The following STIM2 variants were observed in gnomAD, a reference collection of about 807,000 sequenced individuals.
STIM2 encodes the protein stromal interaction molecule 2.
A neutral mutation model predicts 85.8 loss-of-function variants in STIM2; 31 were observed. The observed-to-expected ratio is 0.36, with a 90% CI of 0.27 to 0.49. STIM2 has a LOEUF of 0.49. Among genes scored for constraint, STIM2 ranks in the 20% least tolerant of loss-of-function variants. The pLI is 0.98. For synonymous variants in STIM2, 356 were observed against 331.1 expected, an observed-to-expected ratio of 1.08 and a Z score of -0.82; for missense variants, 841 against 927.6, an observed-to-expected ratio of 0.91 and a Z score of 1.21.
intron 1 of STIM2, among the ~76,000 whole-genome samples, chr4:26,909,098 T>A (rs1724236901): frequency 1.3e-5 from 2 of 152,168 alleles, no homozygotes. Context: ...TAAAAGATAT[T>A]TTTGATAACT....
At chr4:26,989,512 C>T (rs1367164433) in intron 3 of STIM2, among the ~76,000 whole-genome samples, 3 of 152,046 alleles carry the variant, frequency 2.0e-5, no homozygotes, top group Admixed American at 6.6e-5. Flanking sequence ...TGTTTCGTGC[C>T]GAATGGGGAA....
chr4:27,019,821 A>T (rs1471298685), intron 11 of STIM2, among the ~76,000 whole-genome samples: 2 of 152,256 alleles, frequency 1.3e-5, no homozygotes, highest in Non-Finnish European at 2.9e-5. Context: ...AAAAAGAAAT[A>T]GAAAAAAATA....
At chr4:26,907,318 A>G (rs567458906) in intron 1 of STIM2, among the ~76,000 whole-genome samples, 1 of 152,294 alleles carries the variant, frequency 6.6e-6, no homozygotes, top group South Asian at 2.1e-4. Flanking sequence ...ACATTATGTG[A>G]AAAAGGATAG....
At position 27,023,470 on chromosome 4, in the gene STIM2, G is replaced by GA. The variant is rs35840384; in HGVS notation, c.*486dup. The GA allele has an allele frequency of 0.35, 53,462 of 152,962 alleles. 9,369 individuals are homozygous for GA. The highest frequency in any genetic ancestry group is 0.55 in the East Asian group (2,839 of 5,146). The allele number at this position is 152,962 out of a possible 1,614,324, so 9.5% of individuals were successfully genotyped here. ...AATTGCACTACTGTTTTCCAGACTG[G>GA]AAAAAAAAAAAATCTCTGCAAGTGA... On this transcript the variant is annotated 3_prime_UTR_variant, in exon 12 of 12. Transcript: ENST00000467087.
At chr4:26,883,004 A>AT (rs140871540) in intron 1 of STIM2, among the ~76,000 whole-genome samples, 53,393 of 139,216 alleles carry the variant, frequency 0.38, 10,063 homozygotes, top group Middle Eastern at 0.47. Flanking sequence ...TACCTGGCTA[A>AT]TTTTTTTTTT....
intron 3 of STIM2, among the ~76,000 whole-genome samples, chr4:26,989,237 G>T (rs1453890013): frequency 6.6e-6 from 1 of 152,110 alleles, no homozygotes; most frequent in East Asian, 1.9e-4. Context: ...ACACGGCCCA[G>T]TTTAAATGAA....
intron 10 of STIM2, among the ~76,000 whole-genome samples, chr4:27,010,609 ACT>A (rs763021583): frequency 6.6e-6 from 1 of 151,926 alleles, no homozygotes. Flanking sequence ...TAAATGGGAA[ACT>A]CTCGGCAATA....
At chr4:27,008,122 T>C (rs767357075) in intron 8 of STIM2, 2 of 633,098 alleles carry the variant, frequency 3.2e-6, no homozygotes, top group South Asian at 2.0e-5. Context: ...AGCACCATTG[T>C]AGTATAATAT....
At chr4:26,896,735 A>G (rs1315279665) in intron 1 of STIM2, among the ~76,000 whole-genome samples, 1 of 152,182 alleles carries the variant, frequency 6.6e-6, no homozygotes, top group Admixed American at 6.5e-5. Flanking sequence ...ACAGACTTCA[A>G]CTTCACCAGT....
At chr4:26,915,962 A>G (rs889142988) in intron 1 of STIM2, among the ~76,000 whole-genome samples, 1 of 152,214 alleles carries the variant, frequency 6.6e-6, no homozygotes, top group African/African-American at 2.4e-5. Flanking sequence ...CCTGATGTCC[A>G]CTGGGGCATT....
At chr4:26,919,407 A>G in intron 1 of STIM2, 97 bp from the exon 2 acceptor site, 1 of 1,510,726 alleles carries the variant, frequency 6.6e-7, no homozygotes, top group South Asian at 1.2e-5. Flanking sequence ...ACTTAGTCTG[A>G]AGTTTAATTC....
chr4:26,947,121 A>C (rs1226216450), intron 2 of STIM2, among the ~76,000 whole-genome samples: 1 of 152,012 alleles, frequency 6.6e-6, no homozygotes, highest in Non-Finnish European at 1.5e-5. Flanking sequence ...TTGGCTTTCT[A>C]CTCATGGTTG....
chr4:26,861,387 G>T lies in STIM2; in HGVS notation c.151+18G>T, dbSNP rs1236603828. ...CATGACAGGTGAGGGGCCGGGGGGC[G>T]GCGGGCGGGGCTCGGCCGGCAGCGA... On this transcript the variant is annotated intron_variant, in intron 1 of 11. Transcript: ENST00000467087. 2.3e-6 allele frequency: 3 copies of T among 1,286,010 alleles called. No individual in the cohort carries two copies. Among genetic ancestry groups the T allele is most frequent in the Non-Finnish European group, 2.9e-6 (3 of 1,020,804 alleles). 79.7% of individuals were successfully genotyped at this position (1,286,010 alleles called of 1,614,324 possible). A position where few individuals can be genotyped will look rare whatever the true frequency, so the allele number is the denominator to read the frequency against.
chr4:26,899,018 A>G (rs560235641), intron 1 of STIM2, among the ~76,000 whole-genome samples: 1 of 151,968 alleles, frequency 6.6e-6, no homozygotes, highest in South Asian at 2.1e-4. Context: ...GAACCTTAGT[A>G]AATGTTTGAA....
rs552175748 is a variant in STIM2, at chr4:26,869,993, C to T, written c.151+8624C>T. ...ATTCAGCATTAAAAAAGAAGAAAAT[C>T]CTGCCATTTGCGGCAACATGGATGA... is the stretch of plus-strand genomic sequence containing the variant. On this transcript the variant is annotated intron_variant, in intron 1 of 11. Transcript: ENST00000467087. Among the ~76,000 whole-genome samples the T allele has an allele frequency of 2.6e-5, 4 of 151,900 alleles. No homozygotes were observed. In the South Asian group the frequency reaches 8.3e-4, roughly 32 times the overall value.
intron 1 of STIM2, among the ~76,000 whole-genome samples, chr4:26,885,659 A>G (rs1005753283): frequency 2.6e-5 from 4 of 151,364 alleles, no homozygotes; most frequent in African/African-American, 7.3e-5. Context: ...CTATTTTTTC[A>G]GGTTTATGTT....
chr4:26,994,671 C>T (rs556655837), intron 3 of STIM2, among the ~76,000 whole-genome samples: 1 of 152,188 alleles, frequency 6.6e-6, no homozygotes, highest in South Asian at 2.1e-4. Flanking sequence ...CTTTCATGAC[C>T]TAGCTCCTCT....
At chr4:27,002,067 A>G (rs1196582174) in intron 5 of STIM2, 150 bp from the exon 6 acceptor site, 2 of 645,728 alleles carry the variant, frequency 3.1e-6, no homozygotes, top group East Asian at 5.9e-5. Context: ...CATTATTTGA[A>G]GAAAGAATTT....
intron 10 of STIM2, 89 bp downstream of exon 10, chr4:27,009,091 TG>T (rs1260702242): frequency 2.6e-6 from 3 of 1,173,566 alleles, no homozygotes; most frequent in Non-Finnish European, 3.6e-6. Context: ...CTTCGAAATC[TG>T]TGAGAAAAAA....
Sources: allele counts gnomAD v4.1 joint callset (sites outside exome capture counted in the v4.1 genomes callset), GRCh38; gene constraint gnomAD v4.1.1; transcripts MANE v1.5; gene names NCBI Gene and HGNC (gene_info 2026-07-23, HGNC 2026-07-21).